Variants in RCC1L observed in about 807,000 individuals in gnomAD.
The protein encoded by RCC1L is RCC1 like, also known as RCC1-like G exchanging factor-like protein.
A neutral mutation model predicts 58.6 loss-of-function variants in RCC1L; 46 were observed. That is an observed-to-expected ratio of 0.79 (90% CI 0.62 to 1.00). The LOEUF (loss-of-function observed/expected upper bound fraction) is 1.00. Among genes scored for constraint, RCC1L ranks in the 50% least tolerant of loss-of-function variants. RCC1L has a pLI of 0.00. For missense variants in RCC1L, 636 were observed against 623.6 expected (o/e 1.02, Z -0.21); for synonymous variants, 281 against 262.9 (o/e 1.07, Z -0.67).
At chr7:75,055,859 T>C in intron 9 of RCC1L, 42 bp downstream of exon 9, 1 of 1,612,850 alleles carries the variant, frequency 6.2e-7, no homozygotes, top group East Asian at 2.2e-5. Context: ...ACAGAGAACC[T>C]CTGCTGGGCT....
chr7:75,068,336 A>AC (rs1260449559), intron 2 of RCC1L, among the ~76,000 whole-genome samples: 1 of 149,094 alleles, frequency 6.7e-6, no homozygotes, highest in Non-Finnish European at 1.5e-5. Flanking sequence ...AAAAAAAAAA[A>AC]AAGTAATGTA....
At chr7:75,071,840 G>C (rs1478678423) in intron 1 of RCC1L, among the ~76,000 whole-genome samples, 3 of 151,846 alleles carry the variant, frequency 2.0e-5, no homozygotes, top group African/African-American at 7.3e-5. Context: ...TCACTAAGCT[G>C]TTGTGAAGAC....
chr7:75,064,328 CAAAA>C (rs71519353), intron 4 of RCC1L, among the ~76,000 whole-genome samples: 7 of 135,990 alleles, frequency 5.1e-5, no homozygotes, highest in Admixed American at 7.4e-5. Context: ...GAGTCCATCT[CAAAA>C]AAAAAAAAAA....
downstream of RCC1L, among the ~76,000 whole-genome samples, chr7:75,039,724 C>T (rs1805509479): frequency 6.6e-6 from 1 of 152,094 alleles, no homozygotes; most frequent in Non-Finnish European, 1.5e-5. Context: ...GAGAAAGGGA[C>T]AGAGTTGGTG....
chr7:75,071,116 A>G (rs587729442), intron 1 of RCC1L, among the ~76,000 whole-genome samples: 65 of 152,300 alleles, frequency 4.3e-4, no homozygotes, highest in Non-Finnish European at 7.4e-4. Flanking sequence ...TTGGCTTCCC[A>G]AGGTGCTGGG....
rs1806133863 is a variant in RCC1L at position 75,057,984 on chromosome 7, C to G, written c.970-368G>C. 7 of 328,372 alleles carry G rather than the reference C, an allele frequency of 2.1e-5. No individual in the cohort carries two copies. The Admixed American group carries it at 2.9e-4, about 14-fold the overall frequency. The allele number at this position is 328,372 out of a possible 1,614,324, so 20.3% of individuals were successfully genotyped here. ...ACCAGCCTGGCCAACATGGTGAAAC[C>G]CTGTCTCTATTAAAAATACAAAAGT... is the stretch of plus-strand genomic sequence containing the variant. On this transcript the variant is annotated intron_variant, in intron 7 of 10. Transcript: ENST00000610322.
In RCC1L at chr7:75,061,188, T is replaced by C; in HGVS notation, c.787+19A>G. Reference sequence around the variant, plus strand: ...GGGCTGAGAAGTTTCACGACCCCAGTGCATGAAAAGAACTCTACCTGTTTG... The same window carrying C: ...GGGCTGAGAAGTTTCACGACCCCAGCGCATGAAAAGAACTCTACCTGTTTG... On this transcript the variant is annotated intron_variant, in intron 6 of 10. Transcript: ENST00000610322. The C allele has an allele frequency of 6.2e-7, 1 of 1,604,598 alleles. No homozygotes were observed. The highest frequency in any genetic ancestry group is 1.1e-5 in the South Asian group (1 of 90,876).
At position 75,042,401 on chromosome 7, in the gene RCC1L, C is replaced by T; in HGVS notation, c.*631G>A. On this transcript the variant is annotated 3_prime_UTR_variant, in exon 11 of 11. Coordinates refer to ENST00000610322, the MANE Select transcript of RCC1L (RefSeq NM_030798.5). ...ATTCTCTTCCTGAGGGGCTTCTTAA[C>T]TTTTCCAAGCCAGGCAGTGAGCGTG... is the stretch of plus-strand genomic sequence containing the variant. The T allele has an allele frequency of 1.1e-5, 11 of 986,022 alleles. No homozygotes were observed. Among genetic ancestry groups the T allele is most frequent in the Non-Finnish European group, 1.2e-5 (10 of 830,382 alleles). The allele number at this position is 986,022 out of a possible 1,614,324, so 61.1% of individuals were successfully genotyped here.
At chr7:75,037,535 C>T (rs1299824133), downstream of RCC1L, among the ~76,000 whole-genome samples, 24 of 141,262 alleles carry the variant, frequency 1.7e-4, no homozygotes, top group Admixed American at 1.6e-3. Context: ...GACGGAGTCT[C>T]GGTCTGTCTC....
At chr7:75,049,922 A>AT (rs1270325601) in intron 10 of RCC1L, among the ~76,000 whole-genome samples, 36 of 150,476 alleles carry the variant, frequency 2.4e-4, no homozygotes, top group South Asian at 4.2e-4. Flanking sequence ...ATCACTTGTA[A>AT]TTTTTTTTTT....
At chr7:75,038,354 C>CA (rs1805473645), downstream of RCC1L, among the ~76,000 whole-genome samples, 1 of 151,814 alleles carries the variant, frequency 6.6e-6, no homozygotes, top group Non-Finnish European at 1.5e-5. Flanking sequence ...CCAGTTCAAG[C>CA]AATTCTCCCG....
rs587601653 is a variant in RCC1L, at chr7:75,064,527, A to G, written c.650+55T>C. ...GGGTTTACCACAGTCATCTCCCTAGAAATGTTTTGACACTTAACTCAACAT... is the reference window on the plus strand; with the variant it reads ...GGGTTTACCACAGTCATCTCCCTAGGAATGTTTTGACACTTAACTCAACAT... On this transcript the variant is annotated intron_variant, in intron 4 of 10. Transcript: ENST00000610322. The G allele has an allele frequency of 8.5e-4, 1,369 of 1,601,948 alleles. 12 individuals are homozygous for G. In the African/African-American group the frequency reaches 0.016, roughly 19 times the overall value.
intron 2 of RCC1L, among the ~76,000 whole-genome samples, chr7:75,069,873 G>C (rs1806656388): frequency 6.6e-6 from 1 of 152,142 alleles, no homozygotes; most frequent in African/African-American, 2.4e-5. Flanking sequence ...AAAGTGCTGG[G>C]ACTACAGGCG....
At chr7:75,050,906 A>G (rs1805884159) in intron 10 of RCC1L, among the ~76,000 whole-genome samples, 1 of 152,130 alleles carries the variant, frequency 6.6e-6, no homozygotes, top group South Asian at 2.1e-4. Context: ...AGCCTGGGCA[A>G]CATAGTGAGA....
chr7:75,040,643 C>G (rs918645534), downstream of RCC1L, among the ~76,000 whole-genome samples: 1 of 152,206 alleles, frequency 6.6e-6, no homozygotes, highest in East Asian at 1.9e-4. Flanking sequence ...TAGATCAATA[C>G]GTGAGTTTGA....
At chr7:75,059,854 G>T (rs1197917514) in intron 6 of RCC1L, among the ~76,000 whole-genome samples, 1 of 152,150 alleles carries the variant, frequency 6.6e-6, no homozygotes, top group African/African-American at 2.4e-5. Flanking sequence ...TGGGCACAGT[G>T]GGTTCATGCC....
intron 4 of RCC1L, among the ~76,000 whole-genome samples, chr7:75,064,169 A>G (rs971233997): frequency 6.6e-6 from 1 of 151,824 alleles, no homozygotes; most frequent in African/African-American, 2.4e-5. Context: ...CTCTCTACTA[A>G]AACTACAAAA....
rs1245422527 is a variant in RCC1L at position 75,056,783 on chromosome 7, T to C, written c.1058-709A>G. 5.5e-6 allele frequency: 8 copies of C among 1,453,058 alleles called. No individual in the cohort carries two copies. In the Middle Eastern group the frequency reaches 6.9e-4, roughly 125 times the overall value. 90.0% of individuals were successfully genotyped at this position (1,453,058 alleles called of 1,614,324 possible). A position where few individuals can be genotyped will look rare whatever the true frequency, so the allele number is the denominator to read the frequency against. On this transcript the variant is annotated intron_variant, in intron 8 of 10. Coordinates refer to ENST00000610322, the MANE Select transcript of RCC1L (RefSeq NM_030798.5). Reference sequence around the variant, plus strand: ...TAAGAACTTCATTCACACCCTGTAATGCCATCTTCTAATCCAATGCCATCT... The same window carrying C: ...TAAGAACTTCATTCACACCCTGTAACGCCATCTTCTAATCCAATGCCATCT...
chr7:75,052,808 G>C lies in RCC1L; in HGVS notation c.1232-12C>G, dbSNP rs1356292111. ...CAGCTCTCCTTTGTCTGCAAAGGGA[G>C]GAAAACAGGGGTTGGTTGGGACTGT... is the stretch of plus-strand genomic sequence containing the variant. On this transcript the variant is annotated splice_polypyrimidine_tract_variant and intron_variant, in intron 9 of 10. Transcript: ENST00000610322. 5.6e-6 allele frequency: 9 copies of C among 1,609,910 alleles called. No homozygotes were observed. The African/African-American group carries it at 1.2e-4, about 21-fold the overall frequency.
Sources: allele counts gnomAD v4.1 joint callset (sites outside exome capture counted in the v4.1 genomes callset), GRCh38; gene constraint gnomAD v4.1.1; transcripts MANE v1.5; gene names NCBI Gene and HGNC (gene_info 2026-07-23, HGNC 2026-07-21).